Variants in ARHGEF12 observed in about 807,000 individuals in gnomAD.
ARHGEF12 encodes KMT2A/ARHGEF12 fusion protein.
In ARHGEF12, 66 loss-of-function variants were observed where a neutral mutation model predicts 211.2. That is an observed-to-expected ratio of 0.31 (90% confidence interval 0.26 to 0.38). ARHGEF12 has a LOEUF of 0.38. Among genes scored for constraint, ARHGEF12 ranks in the 10% least tolerant of loss-of-function variants. ARHGEF12 has a pLI of 1.00. For synonymous variants in ARHGEF12, 592 were observed against 638.4 expected, an observed-to-expected ratio of 0.93 and a Z score of 1.09; for missense variants, 1,429 against 1,869.5, an observed-to-expected ratio of 0.76 and a Z score of 4.34.
chr11:120,460,032 G>A (rs1946483387), intron 26 of ARHGEF12, among the ~76,000 whole-genome samples: 1 of 152,124 alleles, frequency 6.6e-6, no homozygotes, highest in Non-Finnish European at 1.5e-5. Context: ...TTATTGTTTT[G>A]TTGCTTGGAA....
chr11:120,459,808 A>C (rs763316386), intron 26 of ARHGEF12, among the ~76,000 whole-genome samples: 62 of 152,292 alleles, frequency 4.1e-4, no homozygotes, highest in Non-Finnish European at 9.1e-4. Context: ...CCCTGGGTTC[A>C]AGGGATCCTC....
intron 11 of ARHGEF12, among the ~76,000 whole-genome samples, chr11:120,432,429 T>C (rs1945576889): frequency 6.6e-6 from 1 of 152,186 alleles, no homozygotes; most frequent in Admixed American, 6.5e-5. Flanking sequence ...AAGATGATAA[T>C]AAAACATTTT....
At chr11:120,473,208 A>G in intron 31 of ARHGEF12, 81 bp downstream of exon 31, 1 of 1,235,694 alleles carries the variant, frequency 8.1e-7, no homozygotes, top group Non-Finnish European at 1.2e-6. Context: ...TCTCAGTGGG[A>G]ATATACGTCA....
At chr11:120,363,728 C>G (rs902534485) in intron 1 of ARHGEF12, among the ~76,000 whole-genome samples, 1 of 152,180 alleles carries the variant, frequency 6.6e-6, no homozygotes, top group Admixed American at 6.5e-5. Context: ...CATGTCTTAC[C>G]ACTTTCCCTT....
chr11:120,455,132 A>G (rs1221068475), intron 22 of ARHGEF12, among the ~76,000 whole-genome samples: 1 of 152,234 alleles, frequency 6.6e-6, no homozygotes, highest in Non-Finnish European at 1.5e-5. Flanking sequence ...TTATATAGGG[A>G]ACCACTACAG....
intron 1 of ARHGEF12, among the ~76,000 whole-genome samples, chr11:120,345,765 G>A (rs984878691): frequency 6.8e-5 from 10 of 146,554 alleles, no homozygotes; most frequent in Non-Finnish European, 1.0e-4. Context: ...TATATATACA[G>A]TATTTAGCCT....
intron 1 of ARHGEF12, among the ~76,000 whole-genome samples, chr11:120,354,033 G>A (rs183670982): frequency 9.0e-4 from 137 of 152,190 alleles, no homozygotes; most frequent in Non-Finnish European, 1.7e-3. Context: ...AGGAGGAAGC[G>A]GGACCATACC....
At chr11:120,347,266 C>CTCTCTGTGTGTG (rs1426650315) in intron 1 of ARHGEF12, among the ~76,000 whole-genome samples, 1 of 133,502 alleles carries the variant, frequency 7.5e-6, no homozygotes, top group South Asian at 2.4e-4. Flanking sequence ...CTCTCTCTCT[C>CTCTCTGTGTGTG]TGTCTGTGTG....
At chr11:120,477,647 C>G (rs1318441240) in intron 36 of ARHGEF12, 121 bp downstream of exon 36, 2 of 869,544 alleles carry the variant, frequency 2.3e-6, no homozygotes, top group East Asian at 5.1e-5. Context: ...GGCGTATCAC[C>G]TGAGGCCAGG....
intron 18 of ARHGEF12, 75 bp downstream of exon 18, chr11:120,447,160 G>C: frequency 6.7e-7 from 1 of 1,482,040 alleles, no homozygotes; most frequent in Non-Finnish European, 9.0e-7. Flanking sequence ...CCTTTGGGTA[G>C]GTTTAGAAAA....
chr11:120,421,904 A>G, intron 6 of ARHGEF12, 52 bp downstream of exon 6: 1 of 1,374,076 alleles, frequency 7.3e-7, no homozygotes, highest in Non-Finnish European at 1.0e-6. Context: ...AACAACATAT[A>G]TTGGTCATAT....
intron 14 of ARHGEF12, 66 bp from the exon 15 acceptor site, chr11:120,442,038 T>G: frequency 4.2e-6 from 5 of 1,191,828 alleles, no homozygotes; most frequent in Non-Finnish European, 6.0e-6. Context: ...TACTCAATGG[T>G]GACCTAGCAA....
rs750857993 is a variant in ARHGEF12 at position 120,431,762 on chromosome 11, C to G, written c.784-9C>G. The G allele has an allele frequency of 1.3e-6, 2 of 1,562,394 alleles. No homozygotes were observed. Among genetic ancestry groups the G allele is most frequent in the Non-Finnish European group, 1.7e-6 (2 of 1,157,240 alleles). On this transcript the variant is annotated splice_polypyrimidine_tract_variant and intron_variant, in intron 10 of 40. Transcript: ENST00000397843. ...TTGTGTGCGCGTGTTTTTCTTTCAT[C>G]TGTTTTAGGATGGAGCTGTAGTTAC...
chr11:120,455,781 A>G (rs1946343908), intron 22 of ARHGEF12, among the ~76,000 whole-genome samples: 3 of 152,244 alleles, frequency 2.0e-5, no homozygotes. Context: ...AGTGGATAGT[A>G]TGAAGCAGCA....
chr11:120,460,019 A>G (rs10892579), intron 26 of ARHGEF12, among the ~76,000 whole-genome samples: 33,311 of 152,148 alleles, frequency 0.22, 3,823 homozygotes, highest in South Asian at 0.24. Context: ...CTCAGGAATT[A>G]TTTTATTGTT....
At chr11:120,406,392 G>A (rs888935368) in intron 2 of ARHGEF12, among the ~76,000 whole-genome samples, 9 of 152,266 alleles carry the variant, frequency 5.9e-5, no homozygotes, top group Non-Finnish European at 1.2e-4. Flanking sequence ...TCACACTGAA[G>A]AGACTTAATT....
intron 21 of ARHGEF12, 67 bp from the exon 22 acceptor site, chr11:120,451,445 G>T: frequency 6.6e-7 from 1 of 1,512,154 alleles, no homozygotes; most frequent in Non-Finnish European, 9.1e-7. Flanking sequence ...CCAAAGTGTT[G>T]GGATTATAGG....
chr11:120,415,804 A>G (rs1432313073), intron 4 of ARHGEF12, among the ~76,000 whole-genome samples: 1 of 152,208 alleles, frequency 6.6e-6, no homozygotes, highest in Non-Finnish European at 1.5e-5. Context: ...GTTAATTTGA[A>G]TTTTATAGAT....
chr11:120,447,834 T>C (rs1946087166), intron 18 of ARHGEF12, 40 bp from the exon 19 acceptor site: 1 of 1,399,416 alleles, frequency 7.1e-7, no homozygotes. Context: ...TAATTAAACT[T>C]CCATATTTCA....
Sources: gnomAD v4.1 joint callset for allele counts (sites outside exome capture counted in the v4.1 genomes callset) on GRCh38, gnomAD v4.1.1 for gene constraint, MANE v1.5 for transcripts, NCBI Gene and HGNC (gene_info 2026-07-23, HGNC 2026-07-21) for gene names.